The following CFAP263 variants were observed in gnomAD, a reference collection of about 807,000 sequenced individuals.
CFAP263 encodes the protein cilia and flagella associated protein 263.
the CFAP263 span, among the ~76,000 whole-genome samples, chr16:58,277,299 T>C: frequency 1.3e-5 from 2 of 152,068 alleles, no homozygotes; most frequent in African/African-American, 4.8e-5. Context: ...CGACTCAGTT[T>C]TGTATTTTTA....
chr16:58,250,370 C>T, the CFAP263 span: 1 of 411,538 alleles, frequency 2.4e-6, no homozygotes, highest in South Asian at 3.6e-5. Context: ...GGGTTTCAGC[C>T]GGAGGAGTCT....
the CFAP263 span, chr16:58,252,630 G>T: frequency 1.9e-6 from 2 of 1,031,236 alleles, no homozygotes; most frequent in Non-Finnish European, 2.9e-6. Context: ...GGCACCAAGG[G>T]GCTAACGGGT....
chr16:58,280,703 G>T, the CFAP263 span: 1 of 1,614,100 alleles, frequency 6.2e-7, no homozygotes, highest in Non-Finnish European at 8.5e-7. Flanking sequence ...ACTCCTCTCA[G>T]AACCCACAGA....
chr16:58,254,345 A>AT, the CFAP263 span, among the ~76,000 whole-genome samples: 1 of 152,104 alleles, frequency 6.6e-6, no homozygotes, highest in Non-Finnish European at 1.5e-5. Flanking sequence ...ATTTTTGAAC[A>AT]TTTTTTTAAT....
chr16:58,262,556 A>C, the CFAP263 span: 1,544 of 1,584,238 alleles, frequency 9.7e-4, 1 homozygote, highest in Non-Finnish European at 1.3e-3. Flanking sequence ...GCCATCCCTG[A>C]TACCCAGGGC....
chr16:58,274,865 G>A, the CFAP263 span, among the ~76,000 whole-genome samples: 905 of 152,264 alleles, frequency 5.9e-3, 12 homozygotes, highest in East Asian at 0.056. Flanking sequence ...AATTTTTCCC[G>A]TAGTGACATT....
chr16:58,258,440 C>A, the CFAP263 span: 1 of 1,613,700 alleles, frequency 6.2e-7, no homozygotes, highest in South Asian at 1.1e-5. Flanking sequence ...AAAAGATATT[C>A]TAAAAGCCAT....
At chr16:58,257,488 C>T in the CFAP263 span, among the ~76,000 whole-genome samples, 1 of 151,710 alleles carries the variant, frequency 6.6e-6, no homozygotes, top group Non-Finnish European at 1.5e-5. Context: ...AGTGGCTATT[C>T]GCGGTCGCAA....
At chr16:58,266,391 ATATATATATATATATTTTTTTTTTTT>A in the CFAP263 span, among the ~76,000 whole-genome samples, 3 of 33,538 alleles carry the variant, frequency 8.9e-5, no homozygotes, top group African/African-American at 4.0e-4. Flanking sequence ...ATATATATAT[ATATATATATATATATTTTTTTTTTTT>A]TTTTTTTTTT....
chr16:58,276,033 A>G, the CFAP263 span, among the ~76,000 whole-genome samples: 6 of 152,208 alleles, frequency 3.9e-5, no homozygotes, highest in Admixed American at 1.3e-4. Flanking sequence ...GTCAAAAGGT[A>G]AATAACTGGA....
chr16:58,267,547 A>G, the CFAP263 span: 1 of 1,613,740 alleles, frequency 6.2e-7, no homozygotes, highest in South Asian at 1.1e-5. Flanking sequence ...GAAAAGAGCT[A>G]CTTGAAAAAA....
chr16:58,272,334 T>C, the CFAP263 span, among the ~76,000 whole-genome samples: 7 of 152,168 alleles, frequency 4.6e-5, no homozygotes, highest in Non-Finnish European at 2.9e-5. Context: ...GTTTTGTATG[T>C]TGGCTTATAA....
the CFAP263 span, chr16:58,252,879 C>G: frequency 2.5e-6 from 4 of 1,610,448 alleles, no homozygotes; most frequent in Non-Finnish European, 3.4e-6. Flanking sequence ...CTAGATCATT[C>G]TTTTATTGTT....
At chr16:58,262,332 A>G in the CFAP263 span, 3 of 1,525,532 alleles carry the variant, frequency 2.0e-6, no homozygotes, top group Non-Finnish European at 1.8e-6. Context: ...TGAGCCATAC[A>G]TTCAGAATCA....
At chr16:58,257,014 C>CTTGTTTTTTTTTT in the CFAP263 span, among the ~76,000 whole-genome samples, 1 of 41,928 alleles carries the variant, frequency 2.4e-5, no homozygotes. Context: ...ATATGAATTT[C>CTTGTTTTTTTTTT]TTTTTTTTTT....
chr16:58,279,672 T>C, the CFAP263 span: 4 of 1,500,950 alleles, frequency 2.7e-6, no homozygotes, highest in African/African-American at 8.3e-5. Context: ...TTTTCTTTTT[T>C]TCTTTTTTTT....
the CFAP263 span, among the ~76,000 whole-genome samples, chr16:58,252,123 C>T: frequency 1.3e-5 from 2 of 152,162 alleles, no homozygotes; most frequent in Non-Finnish European, 2.9e-5. Flanking sequence ...AATCTCAGCA[C>T]TTTGGGAAAC....
At chr16:58,277,195 C>G in the CFAP263 span, among the ~76,000 whole-genome samples, 1 of 151,716 alleles carries the variant, frequency 6.6e-6, no homozygotes, top group African/African-American at 2.4e-5. Flanking sequence ...GCGTCGTGAT[C>G]TCGGCTTACT....
At chr16:58,258,040 G>A in the CFAP263 span, among the ~76,000 whole-genome samples, 23 of 151,328 alleles carry the variant, frequency 1.5e-4, no homozygotes, top group Admixed American at 1.4e-3. Context: ...CCGAGGAGGC[G>A]GAGGTTGCAA....
Sources: gnomAD v4.1 joint callset for allele counts (sites outside exome capture counted in the v4.1 genomes callset) on GRCh38, gnomAD v4.1.1 for gene constraint, MANE v1.5 for transcripts, NCBI Gene and HGNC (gene_info 2026-07-23, HGNC 2026-07-21) for gene names.